The following PRKG1 variants were observed in gnomAD, a reference collection of about 807,000 sequenced individuals.
The protein encoded by PRKG1 is protein kinase cGMP-dependent 1.
In PRKG1, 35 loss-of-function variants were observed where a neutral mutation model predicts 88.1. The observed-to-expected ratio is 0.40, with a 90% CI of 0.30 to 0.53. The LOEUF is 0.53. Among genes scored for constraint, PRKG1 ranks in the 20% least tolerant of loss-of-function variants. PRKG1 has a pLI of 0.59. For synonymous variants in PRKG1, 303 were observed against 292.5 expected (o/e 1.04, Z -0.37); for missense variants, 540 against 839.8 (o/e 0.64, Z 4.41).
chr10:51,661,030 ATTG>A (rs10556443), intron 3 of PRKG1, among the ~76,000 whole-genome samples: 78,195 of 151,478 alleles, frequency 0.52, 21,915 homozygotes, highest in East Asian at 0.72. Flanking sequence ...CAGAGATTTT[ATTG>A]TTGTTGTTGT....
At chr10:52,212,629 G>C (rs1439103110) in intron 9 of PRKG1, among the ~76,000 whole-genome samples, 1 of 151,542 alleles carries the variant, frequency 6.6e-6, no homozygotes, top group Non-Finnish European at 1.5e-5. Flanking sequence ...GAGAGAGAGA[G>C]AGAGAGATTA....
intron 2 of PRKG1, among the ~76,000 whole-genome samples, chr10:51,381,256 T>TAAAAAAA: frequency 9.4e-4 from 30 of 32,052 alleles, no homozygotes; most frequent in Non-Finnish European, 1.4e-3. Flanking sequence ...GCCTCCATCT[T>TAAAAAAA]AAAAAAAAAA....
At chr10:51,167,884 G>A (rs1264658880) in intron 2 of PRKG1, among the ~76,000 whole-genome samples, 1 of 152,150 alleles carries the variant, frequency 6.6e-6, no homozygotes, top group Non-Finnish European at 1.5e-5. Flanking sequence ...GCTCAATTGA[G>A]AGATGAGAAT....
intron 2 of PRKG1, among the ~76,000 whole-genome samples, chr10:51,278,869 G>C (rs141329565): frequency 6.6e-6 from 1 of 151,818 alleles, no homozygotes; most frequent in Admixed American, 6.6e-5. Flanking sequence ...TATTGCTAGC[G>C]GTCAATCAAT....
intron 3 of PRKG1, among the ~76,000 whole-genome samples, chr10:51,565,150 C>T (rs530776786): frequency 1.0e-3 from 159 of 152,160 alleles, no homozygotes; most frequent in African/African-American, 3.5e-3. Context: ...TTCTTTGAAA[C>T]AATAGTCTAC....
chr10:51,645,488 C>T (rs1405412582), intron 3 of PRKG1, among the ~76,000 whole-genome samples: 1 of 152,130 alleles, frequency 6.6e-6, no homozygotes, highest in African/African-American at 2.4e-5. Flanking sequence ...TACACAATAG[C>T]TTAATAATTA....
intron 6 of PRKG1, among the ~76,000 whole-genome samples, chr10:52,060,415 CAT>C (rs918355142): frequency 6.6e-6 from 1 of 151,762 alleles, no homozygotes; most frequent in African/African-American, 2.4e-5. Context: ...AAAATTAATA[CAT>C]GTGTTCAACA....
intron 2 of PRKG1, among the ~76,000 whole-genome samples, chr10:51,351,600 GTTGT>G (rs1410228133): frequency 1.3e-5 from 2 of 151,846 alleles, no homozygotes; most frequent in South Asian, 2.1e-4. Flanking sequence ...TTTCAATGGG[GTTGT>G]TTGTTTTATC....
intron 5 of PRKG1, among the ~76,000 whole-genome samples, chr10:51,936,680 G>C (rs1842806336): frequency 6.6e-6 from 1 of 151,824 alleles, no homozygotes; most frequent in Admixed American, 6.6e-5. Context: ...TTGTTTGTTT[G>C]TTTCCCAAGT....
chr10:50,994,469 G>GAGTGC (rs1842813363), intron 1 of PRKG1, among the ~76,000 whole-genome samples: 1 of 144,236 alleles, frequency 6.9e-6, no homozygotes, highest in African/African-American at 2.6e-5. Flanking sequence ...GAGTGGAGTG[G>GAGTGC]TGCGATCTCC....
chr10:51,507,163 A>AG (rs1330807139), intron 3 of PRKG1, among the ~76,000 whole-genome samples: 1 of 105,246 alleles, frequency 9.5e-6, no homozygotes, highest in Admixed American at 9.7e-5. Flanking sequence ...GAGTAGGGGG[A>AG]GGGGGGAGGG....
chr10:51,429,063 A>G (rs74132013), intron 2 of PRKG1, among the ~76,000 whole-genome samples: 38,323 of 152,060 alleles, frequency 0.25, 5,079 homozygotes, highest in Middle Eastern at 0.29. Context: ...CAGAAACACA[A>G]CAGGGTCCAG....
chr10:51,482,821 A>G (rs896887594), intron 3 of PRKG1, among the ~76,000 whole-genome samples: 13 of 152,274 alleles, frequency 8.5e-5, no homozygotes, highest in African/African-American at 2.9e-4. Context: ...ATAATAAGGT[A>G]TATTTCACGG....
chr10:51,508,094 C>T (rs940343655), intron 3 of PRKG1, among the ~76,000 whole-genome samples: 2 of 152,044 alleles, frequency 1.3e-5, no homozygotes, highest in African/African-American at 2.4e-5. Context: ...CTTTATGTTA[C>T]CTCATCTGTA....
rs1277688771 is a variant in PRKG1, at chr10:51,170,437, T to TATACAC, written c.478+17108_478+17109insTACACA. ...ACTGATTTTTTCAAATGTCTGGGTA[T>TATACAC]ACACACACACACACACACACACACA... On this transcript the variant is annotated intron_variant, in intron 2 of 17. Coordinates refer to ENST00000373980, the MANE Select transcript of PRKG1 (RefSeq NM_006258.4). 2.5e-3 allele frequency among the ~76,000 whole-genome samples: 361 copies of TATACAC among 144,662 alleles called. 2 individuals carry two copies. The highest frequency in any genetic ancestry group is 8.9e-3 in the African/African-American group (349 of 39,180). 94.9% of individuals were successfully genotyped at this position (144,662 alleles called of 152,430 possible). A position where few individuals can be genotyped will look rare whatever the true frequency, so the allele number is the denominator to read the frequency against.
chr10:52,089,532 G>A (rs1049689177), intron 7 of PRKG1, among the ~76,000 whole-genome samples: 4 of 152,058 alleles, frequency 2.6e-5, no homozygotes, highest in African/African-American at 9.7e-5. Flanking sequence ...GATGATAATA[G>A]AAAGATCTTA....
intron 3 of PRKG1, among the ~76,000 whole-genome samples, chr10:51,749,411 T>G (rs1327102213): frequency 6.6e-6 from 1 of 152,110 alleles, no homozygotes; most frequent in East Asian, 1.9e-4. Context: ...ACAGCCACCT[T>G]CTCGTTGGAT....
chr10:51,707,091 AG>A (rs1405044236), intron 3 of PRKG1, among the ~76,000 whole-genome samples: 2 of 152,112 alleles, frequency 1.3e-5, no homozygotes, highest in Non-Finnish European at 2.9e-5. Context: ...CTGCCATTTT[AG>A]CCTTTGGTAG....
At chr10:51,917,201 C>T (rs1343953317) in intron 5 of PRKG1, among the ~76,000 whole-genome samples, 1 of 151,814 alleles carries the variant, frequency 6.6e-6, no homozygotes, top group Non-Finnish European at 1.5e-5. Context: ...TGCCTGTAGT[C>T]CTACCTACTC....
Sources: gnomAD v4.1 joint callset for allele counts (sites outside exome capture counted in the v4.1 genomes callset) on GRCh38, gnomAD v4.1.1 for gene constraint, MANE v1.5 for transcripts, NCBI Gene and HGNC (gene_info 2026-07-23, HGNC 2026-07-21) for gene names.